The following KCNQ4 variants were observed in gnomAD, a reference collection of about 807,000 sequenced individuals.
KCNQ4 encodes potassium voltage-gated channel subfamily KQT member 4.
In KCNQ4, 31 loss-of-function variants were observed where a neutral mutation model predicts 72.6. The ratio of observed to expected loss-of-function variants is 0.43; its 90% CI spans 0.32 to 0.58. The LOEUF (loss-of-function observed/expected upper bound fraction) is 0.58, where lower values mean the gene tolerates loss of function less well. Among genes scored for constraint, KCNQ4 ranks in the 20% least tolerant of loss-of-function variants. The probability of loss-of-function intolerance (pLI) is 0.08; values close to 1 mark genes in which losing one functional copy is unlikely to be tolerated. For missense variants in KCNQ4, 869 were observed against 962.6 expected (o/e 0.90, Z 1.29); for synonymous variants, 405 against 403.7 (o/e 1.00, Z -0.04).
At position 40,819,423 on chromosome 1, in the gene KCNQ4, A is replaced by G. The variant is rs80358275; in HGVS notation, c.785A>G (p.Asp262Gly). 8 of 1,613,472 alleles carry G rather than the reference A, an allele frequency of 5.0e-6. No individual in the cohort carries two copies. Among genetic ancestry groups the G allele is most frequent in the Non-Finnish European group, 6.8e-6 (8 of 1,179,860 alleles). ...TTCCTGGTCTACCTGGCTGAGAAGG[A>G]CGCCAACTCCGACTTCTCCTCCTAC... ...ASFLVYLAEK[D>G]ANSDFSSYAD... The change falls in exon 5 of 14, where the codon GAC becomes GGC. Residue 262 changes from aspartate (D) to glycine (G), a missense_variant. Physicochemically the swap from Asp to Gly is moderately conservative, Grantham distance 94. This residue lies in a region of KCNQ4 where 179 missense variants were observed against 243.0 expected (regional missense o/e 0.74). Coordinates refer to ENST00000347132, the MANE Select transcript of KCNQ4 (RefSeq NM_004700.4).
At chr1:40,825,487 C>T (rs1222821096) in intron 9 of KCNQ4, among the ~76,000 whole-genome samples, 1 of 152,048 alleles carries the variant, frequency 6.6e-6, no homozygotes, top group African/African-American at 2.4e-5. Context: ...GCAGAGGATG[C>T]AGGGAGCAGC....
intron 1 of KCNQ4, among the ~76,000 whole-genome samples, chr1:40,797,498 G>C (rs972113612): frequency 6.6e-6 from 1 of 152,198 alleles, no homozygotes; most frequent in Admixed American, 6.5e-5. Context: ...ACAGGGCCAG[G>C]CTCGGCAGTG....
chr1:40,813,000 A>G (rs1340502927), intron 1 of KCNQ4, among the ~76,000 whole-genome samples: 1 of 152,200 alleles, frequency 6.6e-6, no homozygotes, highest in Non-Finnish European at 1.5e-5. Flanking sequence ...GTGGCATTGG[A>G]ACAGACCTGG....
chr1:40,826,065 C>T (rs1283255210), intron 9 of KCNQ4, among the ~76,000 whole-genome samples: 1 of 152,138 alleles, frequency 6.6e-6, no homozygotes, highest in Non-Finnish European at 1.5e-5. Context: ...AGATCAGTCA[C>T]CAGGCTCAGG....
intron 1 of KCNQ4, among the ~76,000 whole-genome samples, chr1:40,811,697 C>T (rs1647932861): frequency 6.6e-6 from 1 of 152,228 alleles, no homozygotes; most frequent in Non-Finnish European, 1.5e-5. Context: ...TGTGATCAGA[C>T]CAGCTGGGGA....
At chr1:40,787,308 A>G (rs1351298445) in intron 1 of KCNQ4, among the ~76,000 whole-genome samples, 1 of 152,124 alleles carries the variant, frequency 6.6e-6, no homozygotes, top group Non-Finnish European at 1.5e-5. Flanking sequence ...ATTCTAGGCT[A>G]TTGTGAACTG....
At chr1:40,818,115 C>T (rs527870834) in intron 2 of KCNQ4, 49 bp from the exon 3 acceptor site, 179 of 1,613,110 alleles carry the variant, frequency 1.1e-4, no homozygotes, top group South Asian at 2.2e-5. Flanking sequence ...GTGACCTGGG[C>T]CCCAGTTCTG....
At chr1:40,818,738 C>T in intron 4 of KCNQ4, 58 bp downstream of exon 4, 2 of 1,527,320 alleles carry the variant, frequency 1.3e-6, no homozygotes, top group Non-Finnish European at 1.8e-6. Flanking sequence ...ACGACCAGAG[C>T]GGGCAGGGCG....
intron 9 of KCNQ4, among the ~76,000 whole-genome samples, chr1:40,828,240 G>A (rs1235476877): frequency 6.6e-6 from 1 of 152,172 alleles, no homozygotes; most frequent in African/African-American, 2.4e-5. Context: ...GGCAGAGCTC[G>A]GCCTCCCCAG....
In KCNQ4 at chr1:40,817,611, C is replaced by T. The variant is rs1163533334; in HGVS notation, c.405+256C>T. ...ATGGCTCAGAGAGCAGCTTGCTGTG[C>T]TGTGTTCCCTCAGCTGTGGCTGCCC... is the stretch of plus-strand genomic sequence containing the variant. On this transcript the variant is annotated intron_variant, in intron 2 of 13. Coordinates refer to ENST00000347132, the MANE Select transcript of KCNQ4 (RefSeq NM_004700.4). This position sits in a 1 kb window ranked among gnomAD's most constrained non-coding sequence, Gnocchi z 5.5. Among the ~76,000 whole-genome samples, 4 of 152,288 alleles carry T rather than the reference C, an allele frequency of 2.6e-5. No homozygotes were observed. Among genetic ancestry groups the T allele is most frequent in the African/African-American group, 7.2e-5 (3 of 41,564 alleles).
At position 40,820,279 on chromosome 1, in the gene KCNQ4, G is replaced by A. The variant is rs759216229; in HGVS notation, c.1041+19G>A. The A allele has an allele frequency of 9.5e-6, 15 of 1,577,412 alleles. No individual in the cohort carries two copies. The South Asian group carries it at 1.6e-4, about 17-fold the overall frequency. On this transcript the variant is annotated intron_variant, in intron 7 of 13. Coordinates refer to ENST00000347132, the MANE Select transcript of KCNQ4 (RefSeq NM_004700.4). The stretch of plus-strand genomic sequence containing the variant: ...CATCCAGGTACAAGATGCCCGGGAA[G>A]AAGCCCTAGGAGCAGGGCCGTGTGA...
chr1:40,816,615 T>C (rs1042746290), intron 1 of KCNQ4, among the ~76,000 whole-genome samples: 1 of 152,230 alleles, frequency 6.6e-6, no homozygotes, highest in Non-Finnish European at 1.5e-5. Flanking sequence ...AGTTTCATGC[T>C]GTCTGCAGGG....
At chr1:40,815,318 G>A (rs1402461600) in intron 1 of KCNQ4, among the ~76,000 whole-genome samples, 3 of 152,104 alleles carry the variant, frequency 2.0e-5, no homozygotes, top group Non-Finnish European at 4.4e-5. Context: ...GCCCACTGCT[G>A]CCTGAGCTTC....
intron 8 of KCNQ4, among the ~76,000 whole-genome samples, chr1:40,822,833 C>T (rs919403231): frequency 6.6e-6 from 1 of 152,204 alleles, no homozygotes; most frequent in African/African-American, 2.4e-5. Flanking sequence ...ATGCTCCTAC[C>T]CTGAACCCCC....
At chr1:40,829,359 C>T (rs1648570720) in intron 9 of KCNQ4, among the ~76,000 whole-genome samples, 2 of 152,154 alleles carry the variant, frequency 1.3e-5, no homozygotes, top group Admixed American at 1.3e-4. Flanking sequence ...TCGATGGAGT[C>T]CTGGGCCAGT....
chr1:40,821,161 G>A lies in KCNQ4; in HGVS notation c.1041+901G>A, dbSNP rs762954973. ...TGTCCCCTGGGAGCTGGCCTTCTGA[G>A]GGGCATTGTAGGGGCAGGCGGCTGG... On this transcript the variant is annotated intron_variant, in intron 7 of 13. Coordinates refer to ENST00000347132, the MANE Select transcript of KCNQ4 (RefSeq NM_004700.4). Among the ~76,000 whole-genome samples, 32 of 152,190 alleles carry A rather than the reference G, an allele frequency of 2.1e-4. 1 individual carries two copies. Among genetic ancestry groups the A allele is most frequent in the Admixed American group, 1.3e-3 (20 of 15,284 alleles).
At chr1:40,825,198 C>A (rs1450833976) in intron 9 of KCNQ4, among the ~76,000 whole-genome samples, 1 of 152,282 alleles carries the variant, frequency 6.6e-6, no homozygotes, top group Non-Finnish European at 1.5e-5. Context: ...ACACATCACC[C>A]CTGAACCAGC....
chr1:40,821,545 G>C (rs972982145), intron 7 of KCNQ4, among the ~76,000 whole-genome samples: 1 of 152,160 alleles, frequency 6.6e-6, no homozygotes, highest in Admixed American at 6.5e-5. Flanking sequence ...GAGGAAGCTC[G>C]GCAAGCCCAT....
At chr1:40,809,627 G>C (rs1013975143) in intron 1 of KCNQ4, among the ~76,000 whole-genome samples, 2 of 152,134 alleles carry the variant, frequency 1.3e-5, no homozygotes, top group Non-Finnish European at 2.9e-5. Context: ...CCACCACCCT[G>C]GGCCAGGCCA....
Sources: allele counts gnomAD v4.1 joint callset (sites outside exome capture counted in the v4.1 genomes callset), GRCh38; gene constraint gnomAD v4.1.1; regional missense constraint gnomAD v4.1.1; non-coding constraint Gnocchi (gnomAD v3.1); transcripts MANE v1.5; gene names NCBI Gene and HGNC (gene_info 2026-07-23, HGNC 2026-07-21).